The following IQGAP2 variants were observed in gnomAD, a reference collection of about 807,000 sequenced individuals.
IQGAP2 encodes the protein ras GTPase-activating-like protein IQGAP2.
Under a neutral mutation model 201.3 loss-of-function variants are expected in IQGAP2, and 173 were observed. That is an observed-to-expected ratio of 0.86 (90% CI 0.76 to 0.98). IQGAP2 has a LOEUF of 0.98. IQGAP2 is among the 50% of genes least tolerant of loss of function. The pLI is 0.00. For missense variants in IQGAP2, 1,687 were observed against 1,864.8 expected, an observed-to-expected ratio of 0.90 and a Z score of 1.76; for synonymous variants, 675 against 673.9, an observed-to-expected ratio of 1.00 and a Z score of -0.03.
chr5:76,525,644 GC>G (rs947227927), intron 2 of IQGAP2, among the ~76,000 whole-genome samples: 1 of 152,174 alleles, frequency 6.6e-6, no homozygotes, highest in African/African-American at 2.4e-5. Flanking sequence ...CCTTTAGCAG[GC>G]TGAAAGTTCT....
intron 1 of IQGAP2, 42 bp from the exon 2 acceptor site, chr5:76,461,528 G>T: frequency 7.1e-7 from 1 of 1,408,608 alleles, no homozygotes; most frequent in Non-Finnish European, 1.0e-6. Flanking sequence ...GTTTAATGAA[G>T]ACTGCCTTTG....
At chr5:76,577,882 G>A (rs1161681310) in intron 5 of IQGAP2, among the ~76,000 whole-genome samples, 1 of 152,144 alleles carries the variant, frequency 6.6e-6, no homozygotes, top group African/African-American at 2.4e-5. Context: ...TTATTACCTG[G>A]TAGAGTAATT....
At chr5:76,705,067 T>C (rs995014535) in intron 35 of IQGAP2, among the ~76,000 whole-genome samples, 4 of 152,124 alleles carry the variant, frequency 2.6e-5, no homozygotes, top group Non-Finnish European at 5.9e-5. Flanking sequence ...GTAAAAATAA[T>C]GTCAGGTATT....
At chr5:76,409,244 T>C (rs1750974079) in intron 1 of IQGAP2, among the ~76,000 whole-genome samples, 1 of 105,626 alleles carries the variant, frequency 9.5e-6, no homozygotes, top group Non-Finnish European at 2.1e-5. Context: ...ACATGGGCTT[T>C]TTTTTTTTTT....
At chr5:76,520,718 T>TTTTTTG (rs1218193949) in intron 2 of IQGAP2, among the ~76,000 whole-genome samples, 1 of 149,410 alleles carries the variant, frequency 6.7e-6, no homozygotes, top group Non-Finnish European at 1.5e-5. Context: ...TTTTTTTTTT[T>TTTTTTG]TTTGAAACGG....
intron 2 of IQGAP2, among the ~76,000 whole-genome samples, chr5:76,546,256 T>C (rs1055806588): frequency 6.6e-6 from 1 of 152,100 alleles, no homozygotes; most frequent in Non-Finnish European, 1.5e-5. Context: ...GCCAACGTGG[T>C]GAAACCCCAT....
chr5:76,594,965 CA>C (rs921918197), intron 9 of IQGAP2, among the ~76,000 whole-genome samples: 2 of 132,464 alleles, frequency 1.5e-5, no homozygotes, highest in Non-Finnish European at 3.2e-5. Context: ...GACTCCATCT[CA>C]AAAAAAATTT....
At chr5:76,513,864 C>T (rs2150185593) in intron 2 of IQGAP2, among the ~76,000 whole-genome samples, 1 of 151,702 alleles carries the variant, frequency 6.6e-6, no homozygotes, top group Admixed American at 6.5e-5. Context: ...TTATTAATAA[C>T]ATATGGATAT....
intron 12 of IQGAP2, among the ~76,000 whole-genome samples, chr5:76,610,411 G>A (rs1475410641): frequency 6.6e-6 from 1 of 151,478 alleles, no homozygotes; most frequent in Non-Finnish European, 1.5e-5. Context: ...TAGGATGGCT[G>A]TAATGAAAAA....
At chr5:76,491,552 C>T (rs1422387101) in intron 2 of IQGAP2, among the ~76,000 whole-genome samples, 1 of 152,164 alleles carries the variant, frequency 6.6e-6, no homozygotes, top group African/African-American at 2.4e-5. Flanking sequence ...GATCCTCCCA[C>T]CTCGGCCTCC....
intron 2 of IQGAP2, among the ~76,000 whole-genome samples, chr5:76,479,701 G>A (rs897266125): frequency 2.6e-5 from 4 of 152,182 alleles, no homozygotes; most frequent in African/African-American, 9.7e-5. Context: ...CCCTGACGAT[G>A]TGTTCTGCAC....
intron 13 of IQGAP2, among the ~76,000 whole-genome samples, chr5:76,621,853 G>A (rs1430577734): frequency 2.0e-5 from 3 of 152,002 alleles, no homozygotes; most frequent in Non-Finnish European, 4.4e-5. Flanking sequence ...TTTTCTATCC[G>A]GGAAAAGGCC....
chr5:76,695,412 G>A, intron 31 of IQGAP2, 42 bp from the exon 32 acceptor site: 1 of 1,524,860 alleles, frequency 6.6e-7, no homozygotes, highest in Non-Finnish European at 9.1e-7. Flanking sequence ...TGTGAAATTA[G>A]GGGATCAGAG....
chr5:76,484,093 G>A (rs762214411), intron 2 of IQGAP2, among the ~76,000 whole-genome samples: 4 of 151,650 alleles, frequency 2.6e-5, no homozygotes, highest in Admixed American at 6.6e-5. Flanking sequence ...GCAGGTTCTC[G>A]GTGTGGTGGT....
At chr5:76,477,248 G>A (rs750423690) in intron 2 of IQGAP2, among the ~76,000 whole-genome samples, 30 of 152,160 alleles carry the variant, frequency 2.0e-4, no homozygotes, top group Non-Finnish European at 3.7e-4. Flanking sequence ...GGCTGAGGTA[G>A]GAGGATCACC....
intron 2 of IQGAP2, among the ~76,000 whole-genome samples, chr5:76,522,640 G>C (rs1279962799): frequency 6.6e-6 from 1 of 152,182 alleles, no homozygotes; most frequent in Non-Finnish European, 1.5e-5. Flanking sequence ...CACTCAAAAT[G>C]AATTTACAAC....
intron 2 of IQGAP2, among the ~76,000 whole-genome samples, chr5:76,538,955 T>C (rs752131220): frequency 1.5e-4 from 23 of 152,164 alleles, no homozygotes; most frequent in Non-Finnish European, 3.1e-4. Context: ...GTTCTGATGG[T>C]GGGGTGTCTG....
chr5:76,575,839 A>G (rs1745435467), intron 5 of IQGAP2, 70 bp downstream of exon 5: 3 of 886,076 alleles, frequency 3.4e-6, no homozygotes, highest in African/African-American at 1.7e-5. Context: ...TTCAATTTTA[A>G]AAGAGGTTTT....
At chr5:76,696,055 G>T in intron 32 of IQGAP2, among the ~76,000 whole-genome samples, 1 of 151,870 alleles carries the variant, frequency 6.6e-6, no homozygotes. Flanking sequence ...TGGCCAGGCT[G>T]GTCTCGAAAT....
Sources: gnomAD v4.1 joint callset for allele counts (sites outside exome capture counted in the v4.1 genomes callset) on GRCh38, gnomAD v4.1.1 for gene constraint, MANE v1.5 for transcripts, NCBI Gene and HGNC (gene_info 2026-07-23, HGNC 2026-07-21) for gene names.